Variants in RUNDC3B observed in about 807,000 individuals in gnomAD.
The protein encoded by RUNDC3B is RUN domain containing 3B.
RUNDC3B carries 33 observed loss-of-function variants against 58.4 expected under a neutral mutation model. The ratio of observed to expected loss-of-function variants is 0.56; its 90% confidence interval spans 0.43 to 0.75. The LOEUF (loss-of-function observed/expected upper bound fraction) is 0.75. Among genes scored for constraint, RUNDC3B ranks in the 30% least tolerant of loss-of-function variants. The pLI is 0.00. For synonymous variants in RUNDC3B, 193 were observed against 195.2 expected, an observed-to-expected ratio of 0.99 and a Z score of 0.10; for missense variants, 501 against 535.7, an observed-to-expected ratio of 0.94 and a Z score of 0.64.
rs144339069 is a variant in RUNDC3B, at chr7:87,825,139, G to A, written c.1226-4746G>A. Among the ~76,000 whole-genome samples the A allele has an allele frequency of 7.1e-3, 1,084 of 151,992 alleles. 9 individuals carry two copies. Among genetic ancestry groups the A allele is most frequent in the East Asian group, 0.049 (252 of 5,160 alleles). The stretch of plus-strand genomic sequence containing the variant: ...TGGGAGGCTGAGGCAGAAGAAAGGC[G>A]TGAACCTGGGAGGTGGAGCTTGCAG... On this transcript the variant is annotated intron_variant, in intron 10 of 10. Transcript: ENST00000394654.
chr7:87,701,814 T>A (rs1052456516), intron 3 of RUNDC3B, among the ~76,000 whole-genome samples: 5 of 152,148 alleles, frequency 3.3e-5, no homozygotes, highest in Non-Finnish European at 7.3e-5. Context: ...TCTAATTATC[T>A]TGTAAAGACA....
At chr7:87,630,733 C>T (rs1821132921) in intron 1 of RUNDC3B, among the ~76,000 whole-genome samples, 2 of 150,266 alleles carry the variant, frequency 1.3e-5, no homozygotes, top group Admixed American at 6.6e-5. Context: ...ATCTAACACT[C>T]AAAAAATATT....
intron 6 of RUNDC3B, among the ~76,000 whole-genome samples, chr7:87,765,629 A>G (rs918752301): frequency 2.6e-5 from 4 of 152,002 alleles, no homozygotes; most frequent in Non-Finnish European, 5.9e-5. Flanking sequence ...ATTGATTTCT[A>G]ATTTTATTCC....
In RUNDC3B at chr7:87,770,664, G is replaced by T. The variant is rs778964395; in HGVS notation, c.713G>T (p.Gly238Val). The stretch of plus-strand genomic sequence containing the variant: ...GAAAGCAGTACTCCAGAGAATGTCG[G>T]ACCTCCTTTCCTCATGGATGAGAAC... The part of the protein sequence containing the change: ...GSESSTPENV[G>V]PPFLMDENSW... The change falls in exon 7 of 11, where the codon GGA becomes GTA. Residue 238 changes from glycine to valine, a missense_variant. Coordinates refer to ENST00000394654, the MANE Select transcript of RUNDC3B (RefSeq NM_001134405.2). 7 of 1,613,370 alleles carry T rather than the reference G, an allele frequency of 4.3e-6. No individual in the cohort carries two copies. The highest frequency in any genetic ancestry group is 5.9e-6 in the Non-Finnish European group (7 of 1,179,494).
At chr7:87,684,182 C>T (rs1237674798) in intron 2 of RUNDC3B, among the ~76,000 whole-genome samples, 1 of 152,158 alleles carries the variant, frequency 6.6e-6, no homozygotes, top group East Asian at 1.9e-4. Context: ...GGTTTCTCAA[C>T]ATTGATACTG....
intron 6 of RUNDC3B, among the ~76,000 whole-genome samples, chr7:87,748,270 G>A (rs1410251571): frequency 6.6e-6 from 1 of 152,220 alleles, no homozygotes; most frequent in Non-Finnish European, 1.5e-5. Context: ...GGGGGTGTGT[G>A]TTTGGGAGAG....
intron 10 of RUNDC3B, among the ~76,000 whole-genome samples, chr7:87,817,928 A>G (rs1217314431): frequency 6.6e-6 from 1 of 152,220 alleles, no homozygotes; most frequent in Non-Finnish European, 1.5e-5. Flanking sequence ...GTAGAAATTC[A>G]TTTAACTAGC....
chr7:87,689,157 TATTG>T, intron 2 of RUNDC3B, among the ~76,000 whole-genome samples: 1 of 152,102 alleles, frequency 6.6e-6, no homozygotes, highest in East Asian at 1.9e-4. Context: ...TAAATTCTAT[TATTG>T]ATAAAATTAT....
intron 2 of RUNDC3B, among the ~76,000 whole-genome samples, chr7:87,697,545 A>G (rs1190191483): frequency 1.3e-5 from 2 of 152,244 alleles, no homozygotes; most frequent in African/African-American, 4.8e-5. Context: ...AGATTTCTCT[A>G]GATTCCAAAG....
chr7:87,672,111 G>A (rs1278174155), intron 2 of RUNDC3B, among the ~76,000 whole-genome samples: 3 of 151,968 alleles, frequency 2.0e-5, no homozygotes, highest in Admixed American at 6.5e-5. Flanking sequence ...CAGAGATGGC[G>A]ACCTGCCTCT....
intron 7 of RUNDC3B, among the ~76,000 whole-genome samples, chr7:87,775,929 A>G (rs1834597009): frequency 6.6e-6 from 1 of 152,332 alleles, no homozygotes; most frequent in South Asian, 2.1e-4. Context: ...TTCTCAGAAC[A>G]TATCCCCATC....
At chr7:87,687,752 T>C (rs549115771) in intron 2 of RUNDC3B, among the ~76,000 whole-genome samples, 1 of 152,176 alleles carries the variant, frequency 6.6e-6, no homozygotes, top group Non-Finnish European at 1.5e-5. Context: ...CTAATCCAAT[T>C]GAACTGTTAT....
intron 1 of RUNDC3B, among the ~76,000 whole-genome samples, chr7:87,631,628 C>T (rs183050026): frequency 0.01 from 1,575 of 152,280 alleles, 12 homozygotes; most frequent in Non-Finnish European, 0.013. Context: ...CTGCTGACCT[C>T]GTGATCCGCC....
rs145977339 is a variant in RUNDC3B, at chr7:87,809,032, C to T, written c.1103+1513C>T. 2.4e-3 allele frequency among the ~76,000 whole-genome samples: 369 copies of T among 152,254 alleles called. 1 individual carries two copies. Among genetic ancestry groups the T allele is most frequent in the African/African-American group, 8.3e-3 (343 of 41,572 alleles). ...CCAGAAGATGTGTACACTTCCCAAT[C>T]TACAGAGTTATCTATTGAGGAGCCA... On this transcript the variant is annotated intron_variant, in intron 9 of 10. Transcript: ENST00000394654.
At chr7:87,716,027 AAG>A (rs1044292102) in intron 4 of RUNDC3B, among the ~76,000 whole-genome samples, 1 of 152,190 alleles carries the variant, frequency 6.6e-6, no homozygotes, top group Non-Finnish European at 1.5e-5. Flanking sequence ...AAAGAATACT[AAG>A]AGAATACTTG....
chr7:87,661,332 G>T (rs1300009744), intron 2 of RUNDC3B, among the ~76,000 whole-genome samples: 1 of 151,576 alleles, frequency 6.6e-6, no homozygotes, highest in Non-Finnish European at 1.5e-5. Flanking sequence ...TCACCCTGTT[G>T]TGTGATCAAA....
intron 2 of RUNDC3B, among the ~76,000 whole-genome samples, chr7:87,665,385 T>C (rs1023458587): frequency 6.6e-6 from 1 of 152,084 alleles, no homozygotes; most frequent in African/African-American, 2.4e-5. Flanking sequence ...GGCAAGGAAG[T>C]GAAACCTCTG....
chr7:87,768,159 C>T lies in RUNDC3B; in HGVS notation c.630-2422C>T, dbSNP rs147752513. 3.3e-4 allele frequency among the ~76,000 whole-genome samples: 50 copies of T among 152,266 alleles called. No homozygotes were observed. In the East Asian group the frequency reaches 4.1e-3, roughly 12 times the overall value. Reference sequence around the variant, plus strand: ...GTCAACCTCTAGTAGGAAAAGCCTTCGCTGCATCTGCAGTAGTAGGTCAGG... The same window carrying T: ...GTCAACCTCTAGTAGGAAAAGCCTTTGCTGCATCTGCAGTAGTAGGTCAGG... On this transcript the variant is annotated intron_variant, in intron 6 of 10. Coordinates refer to ENST00000394654, the MANE Select transcript of RUNDC3B (RefSeq NM_001134405.2).
At chr7:87,669,908 T>A (rs903978784) in intron 2 of RUNDC3B, among the ~76,000 whole-genome samples, 2 of 152,214 alleles carry the variant, frequency 1.3e-5, no homozygotes, top group African/African-American at 4.8e-5. Context: ...TAAAAGTCTT[T>A]CTTTCATTTT....
Sources: allele counts gnomAD v4.1 joint callset (sites outside exome capture counted in the v4.1 genomes callset), GRCh38; gene constraint gnomAD v4.1.1; transcripts MANE v1.5; gene names NCBI Gene and HGNC (gene_info 2026-07-23, HGNC 2026-07-21).